CTNND2: variants seen among roughly 807,000 people sequenced by gnomAD.
CTNND2 encodes catenin delta 2.
Under a neutral mutation model 144.4 loss-of-function variants are expected in CTNND2, and 22 were observed. That is an observed-to-expected ratio of 0.15 (90% CI 0.11 to 0.22). CTNND2 has a LOEUF of 0.22. CTNND2 is among the 10% of genes least tolerant of loss of function. CTNND2 has a pLI of 1.00. For synonymous variants in CTNND2, 751 were observed against 695.6 expected (o/e 1.08, Z -1.25); for missense variants, 1,353 against 1,618.8 (o/e 0.84, Z 2.82).
chr5:11,063,825 C>T (rs1201027465), intron 16 of CTNND2, among the ~76,000 whole-genome samples: 2 of 151,920 alleles, frequency 1.3e-5, no homozygotes, highest in East Asian at 3.8e-4. Context: ...GGGGGCATAG[C>T]TTTCCAAAAG....
intron 15 of CTNND2, among the ~76,000 whole-genome samples, chr5:11,095,511 T>C (rs1751243976): frequency 6.6e-6 from 1 of 152,328 alleles, no homozygotes; most frequent in East Asian, 1.9e-4. Flanking sequence ...AAGGAAGACA[T>C]ATAGACATGG....
intron 1 of CTNND2, among the ~76,000 whole-genome samples, chr5:11,785,965 A>AG (rs1458290177): frequency 1.3e-5 from 2 of 152,176 alleles, no homozygotes; most frequent in East Asian, 3.9e-4. Flanking sequence ...GCAGTCATGG[A>AG]GGGGGGTCAC....
chr5:11,810,349 A>C (rs1186479314), intron 1 of CTNND2, among the ~76,000 whole-genome samples: 1 of 152,172 alleles, frequency 6.6e-6, no homozygotes, highest in African/African-American at 2.4e-5. Context: ...ATAATTGTAG[A>C]ATTTGGGATG....
rs778134907 is a variant in CTNND2, at chr5:11,102,970, A to ATTTTTTTTTT, written c.2464-4232_2464-4223dup. Among the ~76,000 whole-genome samples the ATTTTTTTTTT allele has an allele frequency of 2.2e-3, 182 of 84,090 alleles. 17 individuals carry two copies. The highest frequency in any genetic ancestry group is 3.0e-3 in the Non-Finnish European group (139 of 46,208). The allele number at this position is 84,090 out of a possible 152,430, so 55.2% of individuals were successfully genotyped here. On this transcript the variant is annotated intron_variant, in intron 14 of 21. Coordinates refer to ENST00000304623, the MANE Select transcript of CTNND2 (RefSeq NM_001332.4). ...GCAGGGCTTAAATTCTATTTAAAAG[A>ATTTTTTTTTT]TTTTTTTTTTTTTTTTTTTTTTTTT...
At chr5:11,818,750 C>T (rs1793152200) in intron 1 of CTNND2, among the ~76,000 whole-genome samples, 1 of 152,068 alleles carries the variant, frequency 6.6e-6, no homozygotes, top group African/African-American at 2.4e-5. Context: ...AATAAGAGTA[C>T]ATCAAAGAGT....
At chr5:11,351,122 ACTTTC>A (rs910532804) in intron 8 of CTNND2, among the ~76,000 whole-genome samples, 3 of 152,156 alleles carry the variant, frequency 2.0e-5, no homozygotes, top group African/African-American at 7.2e-5. Flanking sequence ...CTATTAAAAG[ACTTTC>A]CTTTAATACA....
chr5:11,200,824 G>A (rs141187950), intron 10 of CTNND2, among the ~76,000 whole-genome samples: 167 of 152,236 alleles, frequency 1.1e-3, no homozygotes, highest in African/African-American at 3.5e-3. Flanking sequence ...GACTATAGGC[G>A]TCCGCCACCA....
chr5:11,683,191 T>TA (rs1187404731), intron 2 of CTNND2, among the ~76,000 whole-genome samples: 5 of 152,190 alleles, frequency 3.3e-5, no homozygotes, highest in African/African-American at 1.2e-4. Flanking sequence ...CACAGACATG[T>TA]AATGGAGACT....
intron 11 of CTNND2, among the ~76,000 whole-genome samples, chr5:11,174,073 G>T (rs1048318886): frequency 1.3e-5 from 2 of 152,176 alleles, no homozygotes; most frequent in Admixed American, 1.3e-4. Flanking sequence ...GGCTGGATGT[G>T]GGGGTGCAGG....
chr5:11,531,353 C>T (rs559089226), intron 3 of CTNND2, among the ~76,000 whole-genome samples: 8 of 152,210 alleles, frequency 5.3e-5, no homozygotes, highest in Admixed American at 2.0e-4. Flanking sequence ...GGGCTGGGCA[C>T]GGTGGCTCAG....
rs577978677 is a variant in CTNND2, at chr5:11,358,130, G to A, written c.1372+6566C>T. On this transcript the variant is annotated intron_variant, in intron 8 of 21. Transcript: ENST00000304623. Reference sequence around the variant, plus strand: ...GAGGTGACACATCTTCCAGTAATTGGGGTGCATCATCCAGGTCAAGGCCAG... The same window carrying A: ...GAGGTGACACATCTTCCAGTAATTGAGGTGCATCATCCAGGTCAAGGCCAG... Among the ~76,000 whole-genome samples the A allele has an allele frequency of 2.6e-5, 4 of 152,218 alleles. No homozygotes were observed. The South Asian group carries it at 8.3e-4, about 32-fold the overall frequency.
chr5:11,660,440 G>A (rs1037127593), intron 2 of CTNND2, among the ~76,000 whole-genome samples: 1 of 152,106 alleles, frequency 6.6e-6, no homozygotes, highest in African/African-American at 2.4e-5. Flanking sequence ...TTGACTTTGA[G>A]GCTGGTAAGA....
intron 3 of CTNND2, among the ~76,000 whole-genome samples, chr5:11,503,048 T>G (rs1770688486): frequency 6.6e-6 from 1 of 152,198 alleles, no homozygotes; most frequent in South Asian, 2.1e-4. Context: ...AAACTATCAA[T>G]GAATGAAACT....
chr5:11,585,484 A>ATC (rs143081845), intron 2 of CTNND2, among the ~76,000 whole-genome samples: 132 of 150,086 alleles, frequency 8.8e-4, no homozygotes, highest in African/African-American at 3.1e-3. Flanking sequence ...TTATCTATGT[A>ATC]TATCTATCTA....
chr5:11,287,159 A>G (rs1185327092), intron 9 of CTNND2, among the ~76,000 whole-genome samples: 2 of 152,238 alleles, frequency 1.3e-5, no homozygotes, highest in African/African-American at 2.4e-5. Flanking sequence ...ACACAGATAC[A>G]GTATTTGGTC....
At chr5:11,477,599 G>C (rs771811637) in intron 3 of CTNND2, among the ~76,000 whole-genome samples, 5 of 151,928 alleles carry the variant, frequency 3.3e-5, no homozygotes, top group Non-Finnish European at 7.4e-5. Flanking sequence ...GTTTTTTGTA[G>C]ACACAGGGTT....
At chr5:11,884,004 T>TTTG (rs1376271385) in intron 1 of CTNND2, among the ~76,000 whole-genome samples, 13 of 152,218 alleles carry the variant, frequency 8.5e-5, no homozygotes, top group African/African-American at 3.1e-4. Context: ...GTTCATATCC[T>TTTG]TCACACACTT....
chr5:11,708,996 T>C (rs960001569), intron 2 of CTNND2, among the ~76,000 whole-genome samples: 1 of 152,320 alleles, frequency 6.6e-6, no homozygotes, highest in Middle Eastern at 3.4e-3. Context: ...TCAGTAGTTA[T>C]TGGTTTATGA....
At chr5:11,503,883 T>C (rs949667293) in intron 3 of CTNND2, among the ~76,000 whole-genome samples, 7 of 152,264 alleles carry the variant, frequency 4.6e-5, no homozygotes, top group African/African-American at 1.7e-4. Context: ...TGTTTTCCTA[T>C]GCCTCCTTTC....
Sources: allele counts gnomAD v4.1 joint callset (sites outside exome capture counted in the v4.1 genomes callset), GRCh38; gene constraint gnomAD v4.1.1; transcripts MANE v1.5; gene names NCBI Gene and HGNC (gene_info 2026-07-23, HGNC 2026-07-21).